MGA: variants seen among roughly 807,000 people sequenced by gnomAD.
MGA encodes MAX gene-associated protein.
MGA carries 40 observed loss-of-function variants against 261.1 expected under a neutral mutation model. That is an observed-to-expected ratio of 0.15 (90% CI 0.12 to 0.20). The LOEUF is 0.20. MGA is among the 10% of genes least tolerant of loss of function. MGA has a pLI of 1.00. For missense variants in MGA, 3,397 were observed against 3,630.5 expected, an observed-to-expected ratio of 0.94 and a Z score of 1.65; for synonymous variants, 1,302 against 1,290.6, an observed-to-expected ratio of 1.01 and a Z score of -0.19.
intron 10 of MGA, among the ~76,000 whole-genome samples, chr15:41,728,112 C>G (rs533339296): frequency 6.1e-4 from 93 of 152,020 alleles, no homozygotes; most frequent in Non-Finnish European, 1.1e-3. Context: ...GGTGGATGAT[C>G]TGAGGTCAGG....
At position 41,734,564 on chromosome 15, in the gene MGA, G is replaced by A. The variant is rs2061675039; in HGVS notation, c.3886G>A (p.Asp1296Asn). The A allele has an allele frequency of 6.2e-7, 1 of 1,608,144 alleles. No individual in the cohort carries two copies. Among genetic ancestry groups the A allele is most frequent in the South Asian group, 1.1e-5 (1 of 89,792 alleles). ...GCAGCCCTTAAAACAACTCACCTGT[G>A]ACTTGGAGGATGATTCTGATAAATT... Residue 1296 changes from aspartate (D) to asparagine (N), a missense_variant, in exon 12 of 24, where the codon GAC becomes AAC. Physicochemically the swap from Asp to Asn is conservative, Grantham distance 23. Around this residue, in one of 9 missense-constraint regions of MGA, gnomAD observed 1,410 missense variants for 1,386.4 expected, o/e 1.02. Transcript: ENST00000219905.
chr15:41,659,899 T>G (rs2057295519), upstream of MGA, among the ~76,000 whole-genome samples: 3 of 152,266 alleles, frequency 2.0e-5, no homozygotes, highest in Admixed American at 6.5e-5. Flanking sequence ...CATCCGTCTC[T>G]CAAGGTCTTT....
At chr15:41,666,583 A>C (rs1332951824) in intron 1 of MGA, among the ~76,000 whole-genome samples, 2 of 152,236 alleles carry the variant, frequency 1.3e-5, no homozygotes, top group Non-Finnish European at 2.9e-5. Context: ...TCTGAAGTTT[A>C]AGAGGTACAA....
intron 3 of MGA, among the ~76,000 whole-genome samples, chr15:41,697,572 A>G (rs1462777282): frequency 2.6e-5 from 4 of 151,856 alleles, no homozygotes; most frequent in Admixed American, 2.6e-4. Flanking sequence ...GTGTGCCACC[A>G]CACCCAGCTA....
At chr15:41,731,166 A>G (rs551211386) in intron 11 of MGA, among the ~76,000 whole-genome samples, 6 of 152,314 alleles carry the variant, frequency 3.9e-5, no homozygotes, top group Non-Finnish European at 8.8e-5. Context: ...AATGTAAATT[A>G]TATATCATTT....
At chr15:41,760,222 A>G in intron 19 of MGA, 101 bp from the exon 20 acceptor site, 3 of 1,116,074 alleles carry the variant, frequency 2.7e-6, no homozygotes, top group Non-Finnish European at 4.1e-6. Flanking sequence ...CAGTCCAGAC[A>G]AAAGGTAATG....
chr15:41,716,950 A>T (rs553374230), intron 9 of MGA, among the ~76,000 whole-genome samples: 2 of 152,166 alleles, frequency 1.3e-5, no homozygotes, highest in African/African-American at 4.8e-5. Flanking sequence ...TGAAAAAAAG[A>T]TGGGTAACAT....
In MGA at chr15:41,713,616, C is replaced by A. The variant is rs2060486635; in HGVS notation, c.3430+120C>A. The A allele has an allele frequency of 9.3e-6, 11 of 1,185,746 alleles. No individual in the cohort carries two copies. In the South Asian group the frequency reaches 1.5e-4, roughly 16 times the overall value. The allele number at this position is 1,185,746 out of a possible 1,614,324, so 73.5% of individuals were successfully genotyped here. ...TTATCCAATAAGAGCTTTGAGACTTCTTATTATCCTTACATGCTCTTTCTG... is the reference window on the plus strand; with the variant it reads ...TTATCCAATAAGAGCTTTGAGACTTATTATTATCCTTACATGCTCTTTCTG... On this transcript the variant is annotated intron_variant, in intron 9 of 23. Coordinates refer to ENST00000219905, the MANE Select transcript of MGA (RefSeq NM_001164273.2).
At chr15:41,625,936 C>T (rs865928228) in intron 1 of MGA, among the ~76,000 whole-genome samples, 2 of 152,104 alleles carry the variant, frequency 1.3e-5, no homozygotes, top group African/African-American at 2.4e-5. Context: ...TTTCAGTTAT[C>T]TGCTGTCAAC....
At chr15:41,644,985 T>C (rs1807746789) in intron 1 of MGA, among the ~76,000 whole-genome samples, 1 of 152,250 alleles carries the variant, frequency 6.6e-6, no homozygotes, top group South Asian at 2.1e-4. Context: ...CCACAAATTT[T>C]GTATTGATGA....
chr15:41,753,525 T>C (rs2062972363), intron 17 of MGA, among the ~76,000 whole-genome samples: 1 of 152,176 alleles, frequency 6.6e-6, no homozygotes, highest in Admixed American at 6.5e-5. Flanking sequence ...AGGTGCTCAG[T>C]AAACACTTTG....
chr15:41,700,403 C>G (rs962854715), intron 5 of MGA, among the ~76,000 whole-genome samples: 1 of 152,050 alleles, frequency 6.6e-6, no homozygotes, highest in Non-Finnish European at 1.5e-5. Flanking sequence ...TGCTCTCCCT[C>G]CCCACCAACA....
At chr15:41,629,396 C>T (rs2140962555) in intron 1 of MGA, among the ~76,000 whole-genome samples, 1 of 152,188 alleles carries the variant, frequency 6.6e-6, no homozygotes, top group East Asian at 1.9e-4. Context: ...CTTGAGATGC[C>T]TGCTAGATAT....
intron 14 of MGA, among the ~76,000 whole-genome samples, chr15:41,741,281 A>T (rs1413967053): frequency 1.5e-5 from 2 of 129,202 alleles, no homozygotes; most frequent in African/African-American, 5.9e-5. Flanking sequence ...CGGGAGGCAG[A>T]GGTTGCAGTA....
intron 18 of MGA, among the ~76,000 whole-genome samples, chr15:41,755,673 G>A (rs2063109076): frequency 6.6e-6 from 1 of 152,148 alleles, no homozygotes; most frequent in Non-Finnish European, 1.5e-5. Context: ...AAAGGGCCAA[G>A]AATAACCAAC....
intron 2 of MGA, among the ~76,000 whole-genome samples, chr15:41,680,608 CTG>C (rs1012738426): frequency 3.7e-4 from 56 of 152,260 alleles, no homozygotes; most frequent in African/African-American, 1.3e-3. Flanking sequence ...CAGGAAAACA[CTG>C]TATTTAGAAT....
intron 2 of MGA, among the ~76,000 whole-genome samples, chr15:41,672,593 C>T (rs2058119991): frequency 6.6e-6 from 1 of 152,152 alleles, no homozygotes; most frequent in Non-Finnish European, 1.5e-5. Flanking sequence ...CAACTTGAAT[C>T]ATGCTCCAAG....
At chr15:41,731,296 T>A (rs993914521) in intron 11 of MGA, among the ~76,000 whole-genome samples, 20 of 152,166 alleles carry the variant, frequency 1.3e-4, no homozygotes, top group African/African-American at 4.8e-4. Flanking sequence ...ATTAAAAAAT[T>A]ATATAGTTAA....
At chr15:41,687,997 G>T (rs1042800213) in intron 2 of MGA, among the ~76,000 whole-genome samples, 6 of 152,076 alleles carry the variant, frequency 3.9e-5, no homozygotes, top group African/African-American at 1.4e-4. Flanking sequence ...ATATGATTAG[G>T]TACATATACT....
Sources: gnomAD v4.1 joint callset for allele counts (sites outside exome capture counted in the v4.1 genomes callset) on GRCh38, gnomAD v4.1.1 for gene constraint, gnomAD v4.1.1 regional missense constraint, MANE v1.5 for transcripts, NCBI Gene and HGNC (gene_info 2026-07-23, HGNC 2026-07-21) for gene names.